Variants in GAREM1 observed in about 807,000 individuals in gnomAD.
GAREM1 encodes GRB2-associated and regulator of MAPK protein 1.
In GAREM1, 26 loss-of-function variants were observed where a neutral mutation model predicts 71.3. That is an observed-to-expected ratio of 0.36 (90% CI 0.27 to 0.51). GAREM1 has a LOEUF of 0.51. Ranked by LOEUF, GAREM1 falls within the 20% of genes least tolerant of loss-of-function variation. The pLI, the probability that GAREM1 is intolerant of heterozygous loss-of-function variation, is 0.95. For synonymous variants in GAREM1, 440 were observed against 433.2 expected, an observed-to-expected ratio of 1.02 and a Z score of -0.20; for missense variants, 1,026 against 1,103.1, an observed-to-expected ratio of 0.93 and a Z score of 0.99.
intron 2 of GAREM1, among the ~76,000 whole-genome samples, chr18:32,367,778 AAGG>A (rs2047940547): frequency 6.6e-6 from 1 of 152,086 alleles, no homozygotes; most frequent in South Asian, 2.1e-4. Flanking sequence ...ACAGGGAGAT[AAGG>A]AGGAGAAGCC....
At chr18:32,324,924 G>A (rs1475567338) in intron 2 of GAREM1, among the ~76,000 whole-genome samples, 2 of 152,164 alleles carry the variant, frequency 1.3e-5, no homozygotes, top group Non-Finnish European at 1.5e-5. Context: ...CAAGGGTTAG[G>A]GAGGAGGAAT....
chr18:32,305,805 C>T (rs1314117328), intron 3 of GAREM1, among the ~76,000 whole-genome samples: 3 of 152,214 alleles, frequency 2.0e-5, no homozygotes, highest in Admixed American at 2.0e-4. Flanking sequence ...CATGCATGAG[C>T]CACTGCACCC....
chr18:32,311,271 C>T (rs570005469), intron 2 of GAREM1, among the ~76,000 whole-genome samples: 24 of 152,210 alleles, frequency 1.6e-4, no homozygotes, highest in Non-Finnish European at 2.4e-4. Flanking sequence ...TATAATACTC[C>T]AGAAACTTAA....
chr18:32,329,946 C>T (rs1416545444), intron 2 of GAREM1, among the ~76,000 whole-genome samples: 1 of 152,040 alleles, frequency 6.6e-6, no homozygotes, highest in East Asian at 1.9e-4. Flanking sequence ...ACATTTGTGG[C>T]AGCATCATTT....
chr18:32,363,983 A>AATACATATATACATATATATAT (rs1407214542), intron 2 of GAREM1, among the ~76,000 whole-genome samples: 1 of 62,730 alleles, frequency 1.6e-5, no homozygotes, highest in Non-Finnish European at 3.2e-5. Context: ...CAAATACATA[A>AATACATATATACATATATATAT]ATACATATAT....
At chr18:32,396,670 C>A (rs944373632) in intron 1 of GAREM1, among the ~76,000 whole-genome samples, 3 of 152,180 alleles carry the variant, frequency 2.0e-5, no homozygotes, top group African/African-American at 4.8e-5. Context: ...AAGACCAAAT[C>A]TACGTCTGAT....
intron 2 of GAREM1, among the ~76,000 whole-genome samples, chr18:32,368,801 C>G (rs2047950401): frequency 6.6e-6 from 1 of 152,124 alleles, no homozygotes; most frequent in Non-Finnish European, 1.5e-5. Context: ...CAAACAGGCT[C>G]TGTGTTTTGA....
In GAREM1 at chr18:32,392,877, C is replaced by T; in HGVS notation, c.262+18G>A. 6.2e-7 allele frequency: 1 copy of T among 1,608,478 alleles called. No homozygotes were observed. Among genetic ancestry groups the T allele is most frequent in the Non-Finnish European group, 8.5e-7 (1 of 1,176,340 alleles). ...CCTTTCTCTCGCTGCCTCATCTTGG[C>T]CCTTGGAGGAGTCTTACCTGCATAA... On this transcript the variant is annotated intron_variant, in intron 2 of 5. Coordinates refer to ENST00000269209, the MANE Select transcript of GAREM1 (RefSeq NM_001242409.2).
chr18:32,385,969 ATT>A (rs1045597802), intron 2 of GAREM1, among the ~76,000 whole-genome samples: 33 of 152,204 alleles, frequency 2.2e-4, no homozygotes, highest in Non-Finnish European at 1.3e-4. Context: ...AATTTTAGTT[ATT>A]GTTAACTATA....
At chr18:32,294,211 G>A (rs2047116316) in intron 3 of GAREM1, among the ~76,000 whole-genome samples, 2 of 152,186 alleles carry the variant, frequency 1.3e-5, no homozygotes, top group East Asian at 1.9e-4. Context: ...AATATACACT[G>A]ATGTATTAAG....
intron 3 of GAREM1, among the ~76,000 whole-genome samples, chr18:32,295,660 T>C (rs2047132650): frequency 6.6e-6 from 1 of 152,230 alleles, no homozygotes; most frequent in African/African-American, 2.4e-5. Flanking sequence ...GAACAAGTAA[T>C]TTGTCAATCA....
intron 2 of GAREM1, among the ~76,000 whole-genome samples, chr18:32,363,229 T>C (rs1278675228): frequency 4.6e-5 from 7 of 152,202 alleles, no homozygotes; most frequent in Admixed American, 3.9e-4. Context: ...AAAAAAATCT[T>C]ACTTAAGAAC....
chr18:32,290,549 G>A (rs1266364340), intron 3 of GAREM1, among the ~76,000 whole-genome samples: 1 of 151,244 alleles, frequency 6.6e-6, no homozygotes, highest in Non-Finnish European at 1.5e-5. Flanking sequence ...GGAGGCTGAG[G>A]CAGGAGAATC....
chr18:32,463,936 AG>A (rs1489044187), intron 1 of GAREM1, among the ~76,000 whole-genome samples: 2 of 150,588 alleles, frequency 1.3e-5, no homozygotes, highest in Non-Finnish European at 3.0e-5. Context: ...ATACAACTAT[AG>A]GTACAAAAAA....
intron 2 of GAREM1, among the ~76,000 whole-genome samples, chr18:32,325,547 TTA>T (rs2047466640): frequency 6.6e-6 from 1 of 152,124 alleles, no homozygotes; most frequent in South Asian, 2.1e-4. Flanking sequence ...AATTAAGCCT[TTA>T]AAAAACAGAA....
intron 4 of GAREM1, 107 bp downstream of exon 4, chr18:32,286,924 C>G (rs1324866065): frequency 3.8e-6 from 3 of 794,316 alleles, no homozygotes; most frequent in African/African-American, 3.5e-5. Flanking sequence ...AACAAATTTG[C>G]TCACTCTGCA....
intron 3 of GAREM1, among the ~76,000 whole-genome samples, chr18:32,303,932 G>T (rs561323335): frequency 6.8e-6 from 1 of 146,670 alleles, no homozygotes; most frequent in African/African-American, 2.5e-5. Context: ...AAAAGAAAGA[G>T]GGAGAGAGAG....
chr18:32,283,337 G>A (rs1263454487), intron 4 of GAREM1, among the ~76,000 whole-genome samples: 2 of 152,158 alleles, frequency 1.3e-5, no homozygotes, highest in Non-Finnish European at 2.9e-5. Flanking sequence ...TTGAGGTCAG[G>A]AGCTCAAGAC....
intron 2 of GAREM1, among the ~76,000 whole-genome samples, chr18:32,356,234 A>G (rs1437712145): frequency 6.6e-6 from 1 of 152,214 alleles, no homozygotes; most frequent in Non-Finnish European, 1.5e-5. Context: ...AAATGCACTG[A>G]TAATTATATA....
Sources: gnomAD v4.1 joint callset for allele counts (sites outside exome capture counted in the v4.1 genomes callset) on GRCh38, gnomAD v4.1.1 for gene constraint, MANE v1.5 for transcripts, NCBI Gene and HGNC (gene_info 2026-07-23, HGNC 2026-07-21) for gene names.